The following DTNB variants were observed in gnomAD, a reference collection of about 807,000 sequenced individuals.
DTNB encodes the protein dystrobrevin beta, also known as DTN-B.
A neutral mutation model predicts 90.7 loss-of-function variants in DTNB; 63 were observed. The ratio of observed to expected loss-of-function variants is 0.69; its 90% CI spans 0.57 to 0.86. The LOEUF is 0.86. Ranked by LOEUF, DTNB falls within the 40% of genes least tolerant of loss-of-function variation. The pLI is 0.00. For synonymous variants in DTNB, 277 were observed against 286.7 expected (o/e 0.97, Z 0.34); for missense variants, 744 against 807.1 (o/e 0.92, Z 0.95).
intron 7 of DTNB, 130 bp downstream of exon 7, chr2:25,580,591 A>C: frequency 1.1e-6 from 1 of 943,232 alleles, no homozygotes; most frequent in South Asian, 1.5e-5. Context: ...AAAACCACAA[A>C]ATGAAATGAC....
intron 9 of DTNB, among the ~76,000 whole-genome samples, chr2:25,523,690 C>T (rs2076565590): frequency 1.3e-5 from 2 of 151,052 alleles, no homozygotes; most frequent in African/African-American, 4.9e-5. Context: ...TATTTGTACT[C>T]TGCATTGCAC....
intron 8 of DTNB, among the ~76,000 whole-genome samples, chr2:25,554,985 TTTTC>T (rs1401595074): frequency 2.6e-5 from 4 of 152,060 alleles, no homozygotes; most frequent in African/African-American, 9.7e-5. Context: ...CTCTGTAATG[TTTTC>T]TTTCTTTTTT....
chr2:25,483,165 G>A (rs143029666), intron 9 of DTNB, among the ~76,000 whole-genome samples: 261 of 152,358 alleles, frequency 1.7e-3, no homozygotes, highest in African/African-American at 5.7e-3. Flanking sequence ...GTGGGTACCA[G>A]AGATGCAACT....
intron 10 of DTNB, among the ~76,000 whole-genome samples, chr2:25,465,583 C>T (rs1399950125): frequency 1.3e-5 from 2 of 152,188 alleles, no homozygotes; most frequent in Non-Finnish European, 2.9e-5. Context: ...GCCCTCTGCT[C>T]ACCGCGCTTC....
At chr2:25,643,144 A>C (rs1279946147) in intron 2 of DTNB, among the ~76,000 whole-genome samples, 4 of 152,122 alleles carry the variant, frequency 2.6e-5, no homozygotes, top group Non-Finnish European at 5.9e-5. Context: ...CACACTCTTC[A>C]AATTTCACCT....
At chr2:25,669,259 T>C (rs771595657) in intron 1 of DTNB, among the ~76,000 whole-genome samples, 3 of 152,208 alleles carry the variant, frequency 2.0e-5, no homozygotes, top group Non-Finnish European at 2.9e-5. Flanking sequence ...ATGGTTAAAA[T>C]TGTTATTTTT....
intron 8 of DTNB, among the ~76,000 whole-genome samples, chr2:25,543,763 ATTTTATTTTCCTC>A (rs1489861903): frequency 3.3e-5 from 5 of 151,030 alleles, no homozygotes; most frequent in African/African-American, 4.9e-5. Flanking sequence ...TTATTTTCTT[ATTTTATTTTCCTC>A]TTTTGGAAAT....
Position 25,424,098 on chromosome 2 carries a change from A to C in DTNB, c.1554+3437T>G, listed in dbSNP as rs76445583. On this transcript the variant is annotated intron_variant, in intron 15 of 20. Coordinates refer to ENST00000406818, the MANE Select transcript of DTNB (RefSeq NM_021907.5). This position sits in a 1 kb window ranked among gnomAD's most constrained non-coding sequence, Gnocchi z 4.1. Reference sequence around the variant, plus strand: ...GTATGCATATAATACAAAAATTAAGATTACGTGGTAATTCTTTTAGGAAGC... The same window carrying C: ...GTATGCATATAATACAAAAATTAAGCTTACGTGGTAATTCTTTTAGGAAGC... Among the ~76,000 whole-genome samples the C allele has an allele frequency of 0.025, 3,735 of 152,302 alleles. 58 individuals carry two copies. The highest frequency in any genetic ancestry group is 0.041 in the Non-Finnish European group (2,806 of 68,022).
At chr2:25,466,204 T>C (rs781654641) in intron 10 of DTNB, among the ~76,000 whole-genome samples, 7 of 152,098 alleles carry the variant, frequency 4.6e-5, no homozygotes, top group Non-Finnish European at 2.9e-5. Flanking sequence ...GGCGTAGTGG[T>C]GCGTGCCTGT....
intron 16 of DTNB, among the ~76,000 whole-genome samples, chr2:25,413,256 G>A (rs745794104): frequency 1.3e-5 from 2 of 148,860 alleles, no homozygotes; most frequent in Non-Finnish European, 3.0e-5. Context: ...TTGCTTTCTT[G>A]GGAAATCAGA....
intron 4 of DTNB, among the ~76,000 whole-genome samples, chr2:25,623,754 A>G (rs1313953486): frequency 6.6e-6 from 1 of 152,246 alleles, no homozygotes; most frequent in Non-Finnish European, 1.5e-5. Flanking sequence ...TATAATAAAA[A>G]ATAACAAAGC....
intron 9 of DTNB, among the ~76,000 whole-genome samples, chr2:25,515,872 T>C (rs2075011435): frequency 1.3e-5 from 2 of 152,174 alleles, no homozygotes; most frequent in South Asian, 2.1e-4. Context: ...CCACTGCGCC[T>C]GGCTGCTTCA....
At chr2:25,445,197 T>C (rs190686513) in intron 12 of DTNB, among the ~76,000 whole-genome samples, 71 of 152,314 alleles carry the variant, frequency 4.7e-4, no homozygotes, top group African/African-American at 1.7e-3. Flanking sequence ...AATCCAACCA[T>C]AGCACGGCCC....
chr2:25,538,651 C>T (rs1225127582), intron 8 of DTNB, among the ~76,000 whole-genome samples: 5 of 152,060 alleles, frequency 3.3e-5, no homozygotes, highest in Admixed American at 6.6e-5. Context: ...GGGGTTTCAC[C>T]ATGTTGGTCA....
chr2:25,436,339 A>G (rs956776814), intron 12 of DTNB, among the ~76,000 whole-genome samples: 1 of 133,894 alleles, frequency 7.5e-6, no homozygotes, highest in Non-Finnish European at 1.6e-5. Context: ...CATCTGGGGA[A>G]AAAAGAAAAA....
At chr2:25,385,913 G>T in intron 18 of DTNB, 1 of 617,538 alleles carries the variant, frequency 1.6e-6, no homozygotes, top group Non-Finnish European at 2.0e-6. Flanking sequence ...AAGTGGCCAT[G>T]AAGTACAAGT....
In DTNB at chr2:25,552,841, ATTTTTTTTTTT is replaced by A. The variant is rs544243784; in HGVS notation, c.877-21255_877-21245del. On this transcript the variant is annotated intron_variant, in intron 8 of 20. Transcript: ENST00000406818. ...GAAAATTATATAATTTCTCTTTTTG[ATTTTTTTTTTT>A]TTTTTTTTTTTTTTTTTTTGAGACG... Among the ~76,000 whole-genome samples, 141 of 86,040 alleles carry A rather than the reference ATTTTTTTTTTT, an allele frequency of 1.6e-3. 1 individual carries two copies. The highest frequency in any genetic ancestry group is 5.5e-3 in the African/African-American group (131 of 23,870). 56.4% of individuals were successfully genotyped at this position (86,040 alleles called of 152,430 possible).
intron 16 of DTNB, among the ~76,000 whole-genome samples, chr2:25,392,275 T>C (rs2041332035): frequency 6.6e-6 from 1 of 151,902 alleles, no homozygotes; most frequent in Admixed American, 6.6e-5. Context: ...CAGGGTGTGG[T>C]GGCACGCACC....
chr2:25,644,057 T>C (rs2078924389), intron 2 of DTNB, among the ~76,000 whole-genome samples: 1 of 152,186 alleles, frequency 6.6e-6, no homozygotes, highest in Non-Finnish European at 1.5e-5. Flanking sequence ...GAAGTTACCC[T>C]AGATGGTCTA....
Sources: allele counts gnomAD v4.1 joint callset (sites outside exome capture counted in the v4.1 genomes callset), GRCh38; gene constraint gnomAD v4.1.1; non-coding constraint Gnocchi (gnomAD v3.1); transcripts MANE v1.5; gene names NCBI Gene and HGNC (gene_info 2026-07-23, HGNC 2026-07-21).